The following DOCK8 variants were observed in gnomAD, a reference collection of about 807,000 sequenced individuals.
DOCK8 encodes dedicator of cytokinesis protein 8.
A neutral mutation model predicts 245.6 loss-of-function variants in DOCK8; 141 were observed. The ratio of observed to expected loss-of-function variants is 0.57; its 90% CI spans 0.50 to 0.66. The LOEUF is 0.66. DOCK8 is among the 30% of genes least tolerant of loss of function. The pLI is 0.00. For synonymous variants in DOCK8, 1,168 were observed against 970.2 expected (o/e 1.20, Z -3.79); for missense variants, 2,965 against 2,603.4 (o/e 1.14, Z -3.02).
At chr9:236,908 A>C (rs1395349534) in intron 1 of DOCK8, among the ~76,000 whole-genome samples, 1 of 152,150 alleles carries the variant, frequency 6.6e-6, no homozygotes, top group Non-Finnish European at 1.5e-5. Flanking sequence ...AAATACCTCC[A>C]CTCAACACTG....
chr9:353,226 A>G (rs2052261415), intron 14 of DOCK8, among the ~76,000 whole-genome samples: 1 of 152,118 alleles, frequency 6.6e-6, no homozygotes, highest in Admixed American at 6.6e-5. Flanking sequence ...AACTCAGACA[A>G]GTCCTCTCTC....
intron 3 of DOCK8, among the ~76,000 whole-genome samples, chr9:288,925 T>C (rs528064642): frequency 3.1e-4 from 47 of 152,350 alleles, no homozygotes; most frequent in Admixed American, 1.1e-3. Context: ...AGCAAAAAGC[T>C]TTGCTACAAT....
At chr9:304,321 G>C (rs945232771) in intron 4 of DOCK8, among the ~76,000 whole-genome samples, 1 of 152,112 alleles carries the variant, frequency 6.6e-6, no homozygotes, top group Non-Finnish European at 1.5e-5. Flanking sequence ...TGAAATGACC[G>C]CACCTCTGAA....
At chr9:381,987 T>G (rs1218754503) in intron 21 of DOCK8, among the ~76,000 whole-genome samples, 2 of 151,620 alleles carry the variant, frequency 1.3e-5, no homozygotes, top group Non-Finnish European at 2.9e-5. Flanking sequence ...AATAGTAATA[T>G]CTCATAGATT....
chr9:225,907 A>G (rs1262026309), intron 1 of DOCK8, among the ~76,000 whole-genome samples: 3 of 152,202 alleles, frequency 2.0e-5, no homozygotes, highest in African/African-American at 7.2e-5. Flanking sequence ...TGTTGGAAGA[A>G]AAGCAAGAAC....
chr9:279,187 T>C (rs2048473494), intron 2 of DOCK8, among the ~76,000 whole-genome samples: 1 of 152,208 alleles, frequency 6.6e-6, no homozygotes, highest in Non-Finnish European at 1.5e-5. Flanking sequence ...GAATTGCCAC[T>C]TGCAGAAGTG....
At chr9:283,320 A>G (rs2048670014) in intron 2 of DOCK8, among the ~76,000 whole-genome samples, 3 of 152,218 alleles carry the variant, frequency 2.0e-5, no homozygotes, top group Non-Finnish European at 2.9e-5. Context: ...TTGTGCCTCC[A>G]TGACGCCACA....
At chr9:403,920 A>ATGTG (rs2055257835) in intron 26 of DOCK8, among the ~76,000 whole-genome samples, 2 of 75,544 alleles carry the variant, frequency 2.6e-5, no homozygotes, top group African/African-American at 1.7e-4. Context: ...ATATATACAT[A>ATGTG]TATATATATG....
intron 4 of DOCK8, among the ~76,000 whole-genome samples, chr9:296,276 C>A (rs542878016): frequency 1.3e-5 from 2 of 152,160 alleles, no homozygotes; most frequent in Non-Finnish European, 2.9e-5. Flanking sequence ...GTGATATTAA[C>A]GATTTTAAGC....
intron 11 of DOCK8, among the ~76,000 whole-genome samples, chr9:336,234 TAAAAG>T (rs1005311305): frequency 2.6e-4 from 40 of 152,046 alleles, no homozygotes; most frequent in Admixed American, 2.4e-3. Context: ...AATATAGAAA[TAAAAG>T]AAAAGCAAAC....
rs916231559 is a variant in DOCK8 at position 414,861 on chromosome 9, A to G, written c.3610A>G (p.Lys1204Glu). 1.9e-6 allele frequency: 3 copies of G among 1,614,250 alleles called. No individual in the cohort carries two copies. The highest frequency in any genetic ancestry group is 1.6e-4 in the Middle Eastern group (1 of 6,062). Reference protein sequence around the residue: ...SSHDLDPRCVKPEVKVKIAAL... With the variant: ...SSHDLDPRCVEPEVKVKIAAL... ...TCACGACCTGGACCCACGCTGTGTC[A>G]AACCAGAGGTGAAGGTCAAAATCGC... Residue 1204 changes from lysine to glutamate, a missense_variant, in exon 29 of 48, where the codon AAA becomes GAA. Transcript: ENST00000432829.
rs192386723 is a variant in DOCK8 at position 270,919 on chromosome 9, T to C, written c.54-708T>C. On this transcript the variant is annotated intron_variant, in intron 1 of 47. Coordinates refer to ENST00000432829, the MANE Select transcript of DOCK8 (RefSeq NM_203447.4). ...TCCAAACAAATGGCTAACAGATAAG[T>C]GCTCAGAAGTCAACCTTTTTGTAAG... 3.6e-4 allele frequency among the ~76,000 whole-genome samples: 55 copies of C among 152,322 alleles called. No homozygotes were observed. The East Asian group carries it at 8.7e-3, about 24-fold the overall frequency.
chr9:286,764 G>A, intron 3 of DOCK8, 128 bp downstream of exon 3: 3 of 902,586 alleles, frequency 3.3e-6, no homozygotes, highest in East Asian at 2.7e-5. Context: ...TCAAATGTGT[G>A]GGACAGCTAT....
At chr9:230,883 T>G (rs2047100401) in intron 1 of DOCK8, among the ~76,000 whole-genome samples, 1 of 152,184 alleles carries the variant, frequency 6.6e-6, no homozygotes, top group Admixed American at 6.5e-5. Flanking sequence ...TTTCTTTTGC[T>G]GTGCAGAAGC....
At chr9:257,142 A>C (rs1226003885) in intron 1 of DOCK8, among the ~76,000 whole-genome samples, 1 of 152,214 alleles carries the variant, frequency 6.6e-6, no homozygotes, top group Non-Finnish European at 1.5e-5. Context: ...CCAAACTAAA[A>C]TAAATTTTGA....
At chr9:272,996 C>T in intron 2 of DOCK8, 1 of 979,922 alleles carries the variant, frequency 1.0e-6, no homozygotes, top group Non-Finnish European at 1.2e-6. Context: ...TACTTCGAAA[C>T]CACTTCTGCC....
At chr9:345,818 G>A (rs1457922913) in intron 14 of DOCK8, among the ~76,000 whole-genome samples, 1 of 152,138 alleles carries the variant, frequency 6.6e-6, no homozygotes, top group Non-Finnish European at 1.5e-5. Context: ...GCTGCCCCGT[G>A]TCTCTACCTT....
chr9:261,855 G>A (rs2479328), intron 1 of DOCK8, among the ~76,000 whole-genome samples: 60,230 of 151,788 alleles, frequency 0.4, 12,583 homozygotes, highest in East Asian at 0.79. Flanking sequence ...CTCTCTCTTC[G>A]GTAATGCTTC....
chr9:305,017 C>G (rs957436548), intron 5 of DOCK8, among the ~76,000 whole-genome samples: 6 of 152,182 alleles, frequency 3.9e-5, no homozygotes, highest in African/African-American at 1.4e-4. Context: ...AGGCAAACTA[C>G]AGAGTAATGA....
Sources: allele counts gnomAD v4.1 joint callset (sites outside exome capture counted in the v4.1 genomes callset), GRCh38; gene constraint gnomAD v4.1.1; transcripts MANE v1.5; gene names NCBI Gene and HGNC (gene_info 2026-07-23, HGNC 2026-07-21).